ASIC2: variants seen among roughly 807,000 people sequenced by gnomAD.
ASIC2 encodes the protein acid sensing ion channel subunit 2.
Under a neutral mutation model 57.3 loss-of-function variants are expected in ASIC2, and 25 were observed. The observed-to-expected ratio is 0.44, with a 90% CI of 0.32 to 0.61. The LOEUF (loss-of-function observed/expected upper bound fraction) is 0.61. Ranked by LOEUF, ASIC2 falls within the 20% of genes least tolerant of loss-of-function variation. The probability of loss-of-function intolerance (pLI) is 0.06; values close to 1 mark genes in which losing one functional copy is unlikely to be tolerated. For synonymous variants in ASIC2, 319 were observed against 307.5 expected, an observed-to-expected ratio of 1.04 and a Z score of -0.39; for missense variants, 641 against 738.1, an observed-to-expected ratio of 0.87 and a Z score of 1.52.
At chr17:34,101,835 AAT>A (rs1910875409) in intron 1 of ASIC2, among the ~76,000 whole-genome samples, 1 of 152,212 alleles carries the variant, frequency 6.6e-6, no homozygotes, top group African/African-American at 2.4e-5. Flanking sequence ...AAGTAAACAG[AAT>A]AGTCTAATCA....
chr17:33,642,174 C>A (rs537072837), intron 1 of ASIC2, among the ~76,000 whole-genome samples: 1 of 147,538 alleles, frequency 6.8e-6, no homozygotes, highest in Non-Finnish European at 1.5e-5. Context: ...GTAAGCAATA[C>A]TATAACTCGC....
At chr17:34,085,726 G>T (rs1234025918) in intron 1 of ASIC2, among the ~76,000 whole-genome samples, 1 of 152,010 alleles carries the variant, frequency 6.6e-6, no homozygotes, top group Non-Finnish European at 1.5e-5. Flanking sequence ...TCCTGTTATT[G>T]GTCTATTCAG....
At chr17:34,098,032 A>C (rs1910609089) in intron 1 of ASIC2, among the ~76,000 whole-genome samples, 1 of 152,042 alleles carries the variant, frequency 6.6e-6, no homozygotes, top group South Asian at 2.1e-4. Context: ...CCATTTTGTC[A>C]TGCATTGCTT....
In ASIC2 at chr17:33,904,182, A is replaced by AAT. The variant is rs1392606642; in HGVS notation, c.555+251795_555+251796insAT. On this transcript the variant is annotated intron_variant, in intron 1 of 9. Coordinates refer to the ASIC2 transcript ENST00000359872. ...CCGTCTCAAAAAAAAAAAAAAAAAA[A>AAT]AAAAAGAATTATAGCTATGATGATG... Among the ~76,000 whole-genome samples the AAT allele has an allele frequency of 6.4e-4, 97 of 151,178 alleles. 1 individual carries two copies. The highest frequency in any genetic ancestry group is 1.1e-3 in the Non-Finnish European group (72 of 67,768).
intron 2 of ASIC2, among the ~76,000 whole-genome samples, chr17:33,091,751 G>T (rs1382860309): frequency 6.6e-6 from 1 of 152,136 alleles, no homozygotes; most frequent in Non-Finnish European, 1.5e-5. Flanking sequence ...TGGCTGGATG[G>T]ACATGAGTGG....
At position 33,729,479 on chromosome 17, in the gene ASIC2, C is replaced by T. The variant is rs1043253099; in HGVS notation, c.555+426499G>A. Among the ~76,000 whole-genome samples, 12 of 152,224 alleles carry T rather than the reference C, an allele frequency of 7.9e-5. 1 individual carries two copies. In the South Asian group the frequency reaches 2.5e-3, roughly 32 times the overall value. The stretch of plus-strand genomic sequence containing the variant: ...AAATACCCAAACTATATCATTACCC[C>T]GTGTTGGATTGTTAGGTTAGTATAC... On this transcript the variant is annotated intron_variant, in intron 1 of 9. Transcript: ENST00000359872.
intron 1 of ASIC2, among the ~76,000 whole-genome samples, chr17:33,271,091 G>A (rs903535588): frequency 1.1e-4 from 16 of 152,134 alleles, no homozygotes; most frequent in Admixed American, 1.0e-3. Context: ...CCTGTCCTTT[G>A]TTGGCAGCTT....
At chr17:33,481,406 C>T (rs886368233) in intron 1 of ASIC2, among the ~76,000 whole-genome samples, 2 of 152,216 alleles carry the variant, frequency 1.3e-5, no homozygotes. Flanking sequence ...TGGCACAACA[C>T]CTACAAATTA....
intron 1 of ASIC2, among the ~76,000 whole-genome samples, chr17:33,342,199 C>G (rs1396630290): frequency 6.6e-6 from 1 of 152,144 alleles, no homozygotes; most frequent in Non-Finnish European, 1.5e-5. Flanking sequence ...TAAGGTCCCT[C>G]CCAGGAGGCT....
chr17:33,764,138 A>G (rs988532646), intron 1 of ASIC2, among the ~76,000 whole-genome samples: 2 of 152,080 alleles, frequency 1.3e-5, no homozygotes, highest in African/African-American at 4.8e-5. Flanking sequence ...CTGAAAAACA[A>G]AACAAAACAA....
chr17:33,836,568 G>A (rs1913280948), intron 1 of ASIC2, among the ~76,000 whole-genome samples: 1 of 152,102 alleles, frequency 6.6e-6, no homozygotes, highest in Non-Finnish European at 1.5e-5. Flanking sequence ...AGTTAAGCAG[G>A]TTTTGGCCGG....
intron 1 of ASIC2, chr17:33,955,167 G>C (rs1904695604): frequency 6.6e-6 from 1 of 152,200 alleles, no homozygotes; most frequent in South Asian, 2.1e-4. Flanking sequence ...AGTAGAAATG[G>C]GTCCATTTAC....
intron 1 of ASIC2, among the ~76,000 whole-genome samples, chr17:33,203,178 G>A (rs1272469778): frequency 6.6e-6 from 1 of 152,214 alleles, no homozygotes; most frequent in African/African-American, 2.4e-5. Context: ...ATTATGTTGT[G>A]TTAGAATCCA....
At chr17:33,269,685 T>G (rs141385920) in intron 1 of ASIC2, among the ~76,000 whole-genome samples, 17,104 of 67,406 alleles carry the variant, frequency 0.25, 1,608 homozygotes, top group Middle Eastern at 0.33. Flanking sequence ...CCTCCCTCCC[T>G]CCTGCCTGCC....
chr17:34,085,062 C>T (rs1358009466), intron 1 of ASIC2, among the ~76,000 whole-genome samples: 11 of 152,284 alleles, frequency 7.2e-5, no homozygotes, highest in Middle Eastern at 3.4e-3. Flanking sequence ...GTGGCCAGAA[C>T]TTCCAACACT....
intron 1 of ASIC2, among the ~76,000 whole-genome samples, chr17:33,584,686 G>A (rs1395913563): frequency 9.0e-6 from 1 of 111,116 alleles, no homozygotes; most frequent in African/African-American, 4.1e-5. Flanking sequence ...ATCTAAGTCA[G>A]ATCTTGGGGT....
chr17:33,582,479 C>G (rs907075028), intron 1 of ASIC2, among the ~76,000 whole-genome samples: 6 of 152,092 alleles, frequency 3.9e-5, no homozygotes, highest in African/African-American at 1.4e-4. Flanking sequence ...GAGGTCTAAT[C>G]TCAGTTTGGT....
At chr17:33,223,856 CG>C (rs1907777811) in intron 1 of ASIC2, among the ~76,000 whole-genome samples, 2 of 152,134 alleles carry the variant, frequency 1.3e-5, no homozygotes, top group Non-Finnish European at 2.9e-5. Context: ...TACATGGGGC[CG>C]GGATCACAGA....
intron 1 of ASIC2, among the ~76,000 whole-genome samples, chr17:33,136,443 G>A (rs547392442): frequency 1.3e-5 from 2 of 152,310 alleles, no homozygotes; most frequent in African/African-American, 2.4e-5. Flanking sequence ...GTGCATACAT[G>A]CTTGGATATC....
Sources: allele counts gnomAD v4.1 joint callset (sites outside exome capture counted in the v4.1 genomes callset), GRCh38; gene constraint gnomAD v4.1.1; transcripts MANE v1.5; gene names NCBI Gene and HGNC (gene_info 2026-07-23, HGNC 2026-07-21).